VWA3B: variants seen among roughly 807,000 people sequenced by gnomAD.
VWA3B encodes the protein von Willebrand factor A domain containing 3B.
Under a neutral mutation model 158.3 loss-of-function variants are expected in VWA3B, and 138 were observed. The observed-to-expected ratio is 0.87, with a 90% CI of 0.76 to 1.00. The LOEUF is 1.00. VWA3B is among the 50% of genes least tolerant of loss of function. The pLI is 0.00. For missense variants in VWA3B, 1,555 were observed against 1,565.1 expected, an observed-to-expected ratio of 0.99 and a Z score of 0.11; for synonymous variants, 596 against 587.3, an observed-to-expected ratio of 1.01 and a Z score of -0.21.
intron 14 of VWA3B, among the ~76,000 whole-genome samples, chr2:98,221,013 A>G (rs148589392): frequency 1.3e-5 from 2 of 152,228 alleles, no homozygotes; most frequent in East Asian, 3.9e-4. Context: ...CAAATAGCTA[A>G]TGCATGTGGG....
intron 12 of VWA3B, chr2:98,207,309 T>C: frequency 2.0e-6 from 1 of 488,956 alleles, no homozygotes; most frequent in South Asian, 1.6e-5. Flanking sequence ...ATGCTGTCAC[T>C]GAGCTGGGCA....
intron 2 of VWA3B, among the ~76,000 whole-genome samples, chr2:98,105,896 T>TTTTATTTA (rs569443221): frequency 6.6e-6 from 1 of 151,954 alleles, no homozygotes; most frequent in African/African-American, 2.4e-5. Context: ...TCTATTTTGT[T>TTTTATTTA]TTTATTTATT....
intron 8 of VWA3B, among the ~76,000 whole-genome samples, chr2:98,167,667 G>A (rs1284889434): frequency 6.6e-6 from 1 of 152,190 alleles, no homozygotes; most frequent in African/African-American, 2.4e-5. Context: ...CCAGACATCT[G>A]CAAAGGGTCC....
rs572701721 is a variant in VWA3B at position 98,268,213 on chromosome 2, C to T, written c.2844-2469C>T. On this transcript the variant is annotated intron_variant, in intron 21 of 27. Transcript: ENST00000477737. ...TATGAGGCCAGCATCATTCTGATACCAAAGCCAGGCAGAGACACAACAAAA... is the reference window on the plus strand; with the variant it reads ...TATGAGGCCAGCATCATTCTGATACTAAAGCCAGGCAGAGACACAACAAAA... Among the ~76,000 whole-genome samples the T allele has an allele frequency of 9.0e-4, 137 of 151,522 alleles. 1 individual carries two copies. The highest frequency in any genetic ancestry group is 3.2e-3 in the African/African-American group (133 of 41,268).
intron 12 of VWA3B, among the ~76,000 whole-genome samples, chr2:98,199,283 C>A (rs1682330822): frequency 6.6e-6 from 1 of 152,088 alleles, no homozygotes; most frequent in Non-Finnish European, 1.5e-5. Context: ...TGTGTTATTT[C>A]CTGTTTTGGG....
intron 3 of VWA3B, 131 bp downstream of exon 3, chr2:98,115,877 G>T (rs1194092847): frequency 3.0e-6 from 2 of 660,508 alleles, no homozygotes; most frequent in South Asian, 2.4e-5. Context: ...TAGGCTGGGG[G>T]TTTTCTTTTG....
chr2:98,239,184 A>G (rs1434617631), intron 19 of VWA3B, among the ~76,000 whole-genome samples: 1 of 152,228 alleles, frequency 6.6e-6, no homozygotes, highest in Non-Finnish European at 1.5e-5. Flanking sequence ...GAATCTATGT[A>G]AGGAAATAAT....
intron 26 of VWA3B, among the ~76,000 whole-genome samples, chr2:98,307,019 G>A (rs1474835161): frequency 1.3e-5 from 2 of 152,216 alleles, no homozygotes; most frequent in Non-Finnish European, 2.9e-5. Context: ...GCATAGGTCT[G>A]ATTTTGTGTC....
At chr2:98,167,232 A>G (rs1230311234) in intron 8 of VWA3B, among the ~76,000 whole-genome samples, 1 of 152,184 alleles carries the variant, frequency 6.6e-6, no homozygotes, top group Non-Finnish European at 1.5e-5. Context: ...TAGTACCAGG[A>G]GGGCAGTTTC....
chr2:98,123,481 C>T (rs774804637), intron 5 of VWA3B, among the ~76,000 whole-genome samples: 3 of 152,174 alleles, frequency 2.0e-5, no homozygotes, highest in African/African-American at 4.8e-5. Flanking sequence ...TTGTAACCAC[C>T]GCGGGCCAGG....
intron 21 of VWA3B, among the ~76,000 whole-genome samples, chr2:98,265,271 C>T (rs1687738519): frequency 6.6e-6 from 1 of 150,602 alleles, no homozygotes; most frequent in Non-Finnish European, 1.5e-5. Flanking sequence ...TCAATTCCCA[C>T]CTGTGAGTGA....
At chr2:98,229,782 T>C (rs1242920562) in intron 15 of VWA3B, among the ~76,000 whole-genome samples, 1 of 152,064 alleles carries the variant, frequency 6.6e-6, no homozygotes, top group African/African-American at 2.4e-5. Context: ...TTAGAGAGGA[T>C]TGAGTGACTT....
downstream of VWA3B, among the ~76,000 whole-genome samples, chr2:98,316,154 G>A (rs1454348100): frequency 6.6e-6 from 1 of 152,082 alleles, no homozygotes; most frequent in Non-Finnish European, 1.5e-5. Context: ...AATATATATT[G>A]CTGACTCATT....
intron 8 of VWA3B, among the ~76,000 whole-genome samples, chr2:98,172,766 G>T (rs1481694378): frequency 1.3e-5 from 2 of 152,178 alleles, no homozygotes; most frequent in African/African-American, 4.8e-5. Flanking sequence ...GGAGAACTGG[G>T]TCAGGGTGGG....
rs1158689622 is a variant in VWA3B at position 98,128,255 on chromosome 2, A to G, written c.719A>G (p.Tyr240Cys). 53 of 1,614,068 alleles carry G rather than the reference A, an allele frequency of 3.3e-5. No homozygotes were observed. Among genetic ancestry groups the G allele is most frequent in the Non-Finnish European group, 4.5e-5 (53 of 1,179,998 alleles). Residue 240 changes from tyrosine to cysteine, a missense_variant, in exon 6 of 28, where the codon TAC (tyrosine) becomes TGC (cysteine). Tyr to Cys is a radical substitution (Grantham distance 194). Transcript: ENST00000477737. ...GRDKTIESIY[Y>C]FVVGDVPEES... is the part of the protein sequence containing the mutation. ...GTTTTGCAGATTGAATCCATTTACT[A>G]CTTTGTGGTGGGGGATGTTCCTGAA... is the stretch of plus-strand genomic sequence containing the variant.
Position 98,188,001 on chromosome 2 carries a change from A to G in VWA3B, c.1338A>G (p.Ala446=). ...SAETNKKTVH[A]KYCSRFVHAP... ...AGACGAACAAGAAGACAGTCCATGC[A>G]AAATATTGCAGCAGGTTTGTCCATG... Residue 446 remains alanine (A), a synonymous_variant, in exon 10 of 28, where the codon GCA becomes GCG. Coordinates refer to ENST00000477737, the MANE Select transcript of VWA3B (RefSeq NM_144992.5). 2 of 1,613,670 alleles carry G rather than the reference A, an allele frequency of 1.2e-6. No individual in the cohort carries two copies. The highest frequency in any genetic ancestry group is 2.2e-5 in the South Asian group (2 of 90,962).
chr2:98,221,775 A>G (rs1247013736), intron 14 of VWA3B, among the ~76,000 whole-genome samples: 1 of 152,162 alleles, frequency 6.6e-6, no homozygotes, highest in African/African-American at 2.4e-5. Context: ...GGTAGCGTCC[A>G]TGGTGCCCAG....
rs1014734940 is a variant in VWA3B, at chr2:98,252,547, C to T, written c.2792+2111C>T. On this transcript the variant is annotated intron_variant, in intron 20 of 27. Coordinates refer to ENST00000477737, the MANE Select transcript of VWA3B (RefSeq NM_144992.5). ...CAGCTCTGTTCCAGTGTGTGACAGT[C>T]GTGAGCCTCAGATTCCTTGTTCACA... Among the ~76,000 whole-genome samples the T allele has an allele frequency of 4.6e-5, 7 of 152,046 alleles. 1 individual carries two copies. The highest frequency in any genetic ancestry group is 1.7e-4 in the African/African-American group (7 of 41,360).
intron 7 of VWA3B, among the ~76,000 whole-genome samples, chr2:98,134,521 C>G (rs1261179236): frequency 6.6e-6 from 1 of 152,158 alleles, no homozygotes; most frequent in East Asian, 1.9e-4. Flanking sequence ...TGGAAGGTTA[C>G]TCAGAAAGCC....
Sources: gnomAD v4.1 joint callset for allele counts (sites outside exome capture counted in the v4.1 genomes callset) on GRCh38, gnomAD v4.1.1 for gene constraint, MANE v1.5 for transcripts, NCBI Gene and HGNC (gene_info 2026-07-23, HGNC 2026-07-21) for gene names.